The following LRRC63 variants were observed in gnomAD, a reference collection of about 807,000 sequenced individuals.
LRRC63 encodes leucine rich repeat containing 63.
In LRRC63, 40 loss-of-function variants were observed where a neutral mutation model predicts 49.5. The observed-to-expected ratio is 0.81, with a 90% CI of 0.63 to 1.05. The LOEUF (loss-of-function observed/expected upper bound fraction) is 1.05, where lower values mean the gene tolerates loss of function less well. Ranked by LOEUF, LRRC63 falls within the 50% of genes least tolerant of loss-of-function variation. The pLI, the probability that LRRC63 is intolerant of heterozygous loss-of-function variation, is 0.00. For synonymous variants in LRRC63, 191 were observed against 221.1 expected (o/e 0.86, Z 1.21); for missense variants, 636 against 663.1 (o/e 0.96, Z 0.45).
At chr13:46,261,557 G>T (rs774018682) in intron 7 of LRRC63, among the ~76,000 whole-genome samples, 1 of 152,100 alleles carries the variant, frequency 6.6e-6, no homozygotes, top group Non-Finnish European at 1.5e-5. Context: ...GACTTCTGGC[G>T]CCCTGAACTG....
chr13:46,219,388 G>A (rs1037102885), intron 2 of LRRC63, among the ~76,000 whole-genome samples: 1 of 152,026 alleles, frequency 6.6e-6, no homozygotes, highest in South Asian at 2.1e-4. Flanking sequence ...TCTGCTGATC[G>A]ATTTGGCTTT....
chr13:46,239,433 C>T lies in LRRC63; in HGVS notation c.990+5084C>T, dbSNP rs143995701. Among the ~76,000 whole-genome samples, 318 of 152,166 alleles carry T rather than the reference C, an allele frequency of 2.1e-3. 1 individual carries two copies. The highest frequency in any genetic ancestry group is 7.3e-3 in the African/African-American group (305 of 41,514). On this transcript the variant is annotated intron_variant, in intron 5 of 9. Coordinates refer to ENST00000595396, the Ensembl canonical transcript of LRRC63. ...ACACATACATCCTCCCAAGACTGAA[C>T]CAGGAAGAAATTGATTACCTGAACA... is the stretch of plus-strand genomic sequence containing the variant.
chr13:46,275,459 T>A (rs534224066), intron 9 of LRRC63, among the ~76,000 whole-genome samples: 1 of 152,322 alleles, frequency 6.6e-6, no homozygotes, highest in South Asian at 2.1e-4. Context: ...AGTTGCTTCT[T>A]TTCTGCGTCT....
chr13:46,268,170 A>G (rs1323172836), intron 9 of LRRC63, among the ~76,000 whole-genome samples: 1 of 152,212 alleles, frequency 6.6e-6, no homozygotes, highest in African/African-American at 2.4e-5. Context: ...TGAGAAAGAA[A>G]TGTTAAGTAA....
intron 9 of LRRC63, among the ~76,000 whole-genome samples, chr13:46,271,306 TA>T (rs1359616783): frequency 2.6e-5 from 4 of 152,100 alleles, no homozygotes; most frequent in Admixed American, 2.0e-4. Context: ...GTTTGAAGTT[TA>T]AAAAAACCTA....
chr13:46,268,020 A>C (rs376795569), intron 9 of LRRC63, among the ~76,000 whole-genome samples: 2 of 152,228 alleles, frequency 1.3e-5, no homozygotes, highest in Non-Finnish European at 2.9e-5. Flanking sequence ...AATTACATTC[A>C]AATGAATATT....
At chr13:46,276,529 A>G (rs1202141884) in intron 9 of LRRC63, 61 bp from the exon 10 acceptor site, 1 of 816,336 alleles carries the variant, frequency 1.2e-6, no homozygotes, top group Non-Finnish European at 1.6e-6. Context: ...GGAGTCTTGC[A>G]TAGCACAGAG....
intron 7 of LRRC63, among the ~76,000 whole-genome samples, chr13:46,255,136 C>T (rs886219405): frequency 6.7e-6 from 1 of 148,278 alleles, no homozygotes; most frequent in Non-Finnish European, 1.5e-5. Flanking sequence ...GCCTTGAAAA[C>T]ATTATGCTAG....
At chr13:46,214,502 G>A (rs2138335903) in intron 2 of LRRC63, among the ~76,000 whole-genome samples, 1 of 152,256 alleles carries the variant, frequency 6.6e-6, no homozygotes, top group Middle Eastern at 3.4e-3. Flanking sequence ...TTCTAGTACA[G>A]AATTTCACAA....
chr13:46,252,034 G>A (rs928058778), intron 7 of LRRC63, among the ~76,000 whole-genome samples: 1 of 151,864 alleles, frequency 6.6e-6, no homozygotes, highest in African/African-American at 2.4e-5. Context: ...CATAGGATAT[G>A]TATGCATATC....
chr13:46,223,490 T>G (rs546730589), intron 2 of LRRC63, among the ~76,000 whole-genome samples: 170 of 151,046 alleles, frequency 1.1e-3, no homozygotes, highest in Middle Eastern at 3.4e-3. Flanking sequence ...TTTTGTTTTT[T>G]TTTTTTTTTA....
intron 2 of LRRC63, among the ~76,000 whole-genome samples, chr13:46,217,283 C>A (rs1428144567): frequency 1.3e-5 from 2 of 152,198 alleles, no homozygotes; most frequent in East Asian, 3.9e-4. Context: ...GCCTCAATTT[C>A]AGAACTTGTT....
At chr13:46,239,681 A>G (rs1294347217) in intron 5 of LRRC63, among the ~76,000 whole-genome samples, 1 of 152,156 alleles carries the variant, frequency 6.6e-6, no homozygotes, top group Non-Finnish European at 1.5e-5. Context: ...CAGAGACACA[A>G]CAGCAGCAAC....
rs75625077 is a variant in LRRC63, at chr13:46,229,635, A to G, written c.832+902A>G. ...AAGGAAGGTGAATCAAAAAATCTGC[A>G]TACAAGCTGGGCACAGTGGAGTGCA... On this transcript the variant is annotated intron_variant, in intron 4 of 9. Coordinates refer to ENST00000595396, the Ensembl canonical transcript of LRRC63. Among the ~76,000 whole-genome samples, 6 of 152,336 alleles carry G rather than the reference A, an allele frequency of 3.9e-5. No homozygotes were observed. The East Asian group carries it at 9.6e-4, about 24-fold the overall frequency.
intron 4 of LRRC63, among the ~76,000 whole-genome samples, chr13:46,230,981 A>G (rs201064515): frequency 6.6e-6 from 1 of 152,228 alleles, no homozygotes; most frequent in East Asian, 1.9e-4. Context: ...AATTTAGCCA[A>G]GCTCTTTGCT....
chr13:46,222,526 A>C (rs561360166), intron 2 of LRRC63, among the ~76,000 whole-genome samples: 2 of 152,332 alleles, frequency 1.3e-5, no homozygotes, highest in African/African-American at 4.8e-5. Flanking sequence ...GGTATCCTCC[A>C]GTTAGAATGG....
intron 8 of LRRC63, among the ~76,000 whole-genome samples, chr13:46,265,149 G>C (rs1055455884): frequency 6.7e-6 from 1 of 148,640 alleles, no homozygotes; most frequent in Admixed American, 6.6e-5. Context: ...AACAGAGTGA[G>C]ACTCCATCTC....
chr13:46,273,501 C>T (rs559522689), intron 9 of LRRC63, among the ~76,000 whole-genome samples: 2 of 150,994 alleles, frequency 1.3e-5, no homozygotes, highest in South Asian at 4.2e-4. Flanking sequence ...ACTCAGGAGG[C>T]TGAGGCAGGA....
chr13:46,212,340 G>A (rs2046116035), intron 1 of LRRC63, 81 bp downstream of exon 1: 1 of 152,214 alleles, frequency 6.6e-6, no homozygotes, highest in Admixed American at 6.5e-5. Flanking sequence ...CACTTTTGAT[G>A]TTGCCCTGCA....
Sources: gnomAD v4.1 joint callset for allele counts (sites outside exome capture counted in the v4.1 genomes callset) on GRCh38, gnomAD v4.1.1 for gene constraint, MANE v1.5 for transcripts, NCBI Gene and HGNC (gene_info 2026-07-23, HGNC 2026-07-21) for gene names.